The following KIAA1217 variants were observed in gnomAD, a reference collection of about 807,000 sequenced individuals.
The protein encoded by KIAA1217 is KIAA1217, also known as sickle tail protein homolog.
A neutral mutation model predicts 163.9 loss-of-function variants in KIAA1217; 88 were observed. The observed-to-expected ratio is 0.54, with a 90% CI of 0.45 to 0.64. The LOEUF (loss-of-function observed/expected upper bound fraction) is 0.64. Among genes scored for constraint, KIAA1217 ranks in the 30% least tolerant of loss-of-function variants. The pLI, the probability that KIAA1217 is intolerant of heterozygous loss-of-function variation, is 0.00. For missense variants in KIAA1217, 2,372 were observed against 2,475.0 expected, an observed-to-expected ratio of 0.96 and a Z score of 0.88; for synonymous variants, 903 against 923.1, an observed-to-expected ratio of 0.98 and a Z score of 0.39.
At chr10:24,049,113 T>G (rs1448850634) in intron 2 of KIAA1217, among the ~76,000 whole-genome samples, 1 of 152,028 alleles carries the variant, frequency 6.6e-6, no homozygotes, top group African/African-American at 2.4e-5. Context: ...CTTACCGTAC[T>G]TTATTTTCTT....
intron 5 of KIAA1217, among the ~76,000 whole-genome samples, chr10:24,456,454 C>T (rs2061799484): frequency 6.6e-6 from 1 of 152,102 alleles, no homozygotes; most frequent in Non-Finnish European, 1.5e-5. Flanking sequence ...TGATGGAACT[C>T]ATTAGGTATT....
intron 1 of KIAA1217, among the ~76,000 whole-genome samples, chr10:23,772,257 CA>C (rs1204004153): frequency 6.6e-6 from 1 of 152,106 alleles, no homozygotes; most frequent in African/African-American, 2.4e-5. Context: ...TTGGTTAGTA[CA>C]ACATGAATTA....
At chr10:24,085,972 C>CAAA (rs111641140) in intron 2 of KIAA1217, among the ~76,000 whole-genome samples, 1 of 144,980 alleles carries the variant, frequency 6.9e-6, no homozygotes, top group Admixed American at 6.9e-5. Flanking sequence ...GACCCTGTCT[C>CAAA]AAAAAAAAAA....
At chr10:24,203,903 G>A (rs1269233770), upstream of KIAA1217, among the ~76,000 whole-genome samples, 3 of 152,230 alleles carry the variant, frequency 2.0e-5, no homozygotes, top group African/African-American at 7.2e-5. Context: ...GCAGAGCTGA[G>A]CGGGGCTTTC....
At chr10:23,739,978 T>C (rs1248647850) in intron 1 of KIAA1217, among the ~76,000 whole-genome samples, 1 of 152,140 alleles carries the variant, frequency 6.6e-6, no homozygotes, top group African/African-American at 2.4e-5. Context: ...AAAATTGAGT[T>C]GCCACCTTCT....
chr10:24,314,282 C>G (rs910817876), intron 2 of KIAA1217, among the ~76,000 whole-genome samples: 2 of 152,154 alleles, frequency 1.3e-5, no homozygotes, highest in South Asian at 2.1e-4. Context: ...AGTACCAGCC[C>G]TGTTAGTCCA....
intron 1 of KIAA1217, among the ~76,000 whole-genome samples, chr10:23,988,463 T>C (rs773727478): frequency 1.3e-5 from 2 of 152,242 alleles, no homozygotes; most frequent in Non-Finnish European, 2.9e-5. Context: ...TCTTTAATCA[T>C]TGAATTCTAT....
chr10:24,199,533 G>A (rs555562369), intron 2 of KIAA1217, among the ~76,000 whole-genome samples: 8 of 152,290 alleles, frequency 5.3e-5, no homozygotes, highest in African/African-American at 1.7e-4. Context: ...AAGAGAAATT[G>A]TTGAAGTTTG....
chr10:23,865,812 C>A (rs1840152701), intron 1 of KIAA1217, among the ~76,000 whole-genome samples: 1 of 152,000 alleles, frequency 6.6e-6, no homozygotes, highest in African/African-American at 2.4e-5. Context: ...TAAATTTTAA[C>A]AATGGGAGAA....
chr10:24,103,939 T>C (rs1355472117), intron 2 of KIAA1217, among the ~76,000 whole-genome samples: 1 of 152,200 alleles, frequency 6.6e-6, no homozygotes, highest in Admixed American at 6.5e-5. Context: ...ATTCAACTGA[T>C]CTTTGAGGAA....
At chr10:23,957,704 A>G (rs1027112820) in intron 1 of KIAA1217, among the ~76,000 whole-genome samples, 4 of 152,162 alleles carry the variant, frequency 2.6e-5, no homozygotes, top group African/African-American at 9.7e-5. Context: ...TCTGGGTAAC[A>G]TACTGAGACT....
intron 1 of KIAA1217, among the ~76,000 whole-genome samples, chr10:23,702,867 A>G (rs1836563994): frequency 6.6e-6 from 1 of 152,188 alleles, no homozygotes; most frequent in African/African-American, 2.4e-5. Context: ...AGCTGGGACT[A>G]CAGGTGCATG....
At chr10:24,431,520 C>T (rs1387841463) in intron 3 of KIAA1217, among the ~76,000 whole-genome samples, 1 of 152,140 alleles carries the variant, frequency 6.6e-6, no homozygotes, top group African/African-American at 2.4e-5. Flanking sequence ...CAAGACGGCT[C>T]ATCCACATAA....
chr10:24,048,842 C>T (rs983530034), intron 2 of KIAA1217, among the ~76,000 whole-genome samples: 2 of 151,670 alleles, frequency 1.3e-5, no homozygotes, highest in African/African-American at 4.8e-5. Context: ...ACCAGCCTGA[C>T]CAACATGGTG....
chr10:23,967,718 T>C (rs1008344778), intron 1 of KIAA1217, among the ~76,000 whole-genome samples: 4 of 152,174 alleles, frequency 2.6e-5, no homozygotes, highest in African/African-American at 9.7e-5. Flanking sequence ...TTTTTTAATG[T>C]TTTTCATTAA....
chr10:24,173,238 A>T (rs2065716065), intron 2 of KIAA1217, among the ~76,000 whole-genome samples: 1 of 152,184 alleles, frequency 6.6e-6, no homozygotes, highest in Non-Finnish European at 1.5e-5. Flanking sequence ...CTAATGCCTG[A>T]TGATCTGTCA....
chr10:24,423,587 G>A (rs2058934343), intron 3 of KIAA1217, among the ~76,000 whole-genome samples: 1 of 152,196 alleles, frequency 6.6e-6, no homozygotes, highest in South Asian at 2.1e-4. Context: ...AGCCTCCCAA[G>A]TAGCTGGGAC....
chr10:24,438,034 A>C (rs2060206392), intron 4 of KIAA1217, among the ~76,000 whole-genome samples: 1 of 151,736 alleles, frequency 6.6e-6, no homozygotes, highest in Admixed American at 6.6e-5. Flanking sequence ...ATCTCTTTGA[A>C]TGTATTGTAA....
At chr10:24,360,891 C>T (rs1301671374) in intron 2 of KIAA1217, among the ~76,000 whole-genome samples, 3 of 121,852 alleles carry the variant, frequency 2.5e-5, no homozygotes, top group African/African-American at 1.1e-4. Context: ...TATTTCAATG[C>T]TAAGTGGTTT....
Sources: allele counts gnomAD v4.1 joint callset (sites outside exome capture counted in the v4.1 genomes callset), GRCh38; gene constraint gnomAD v4.1.1; transcripts MANE v1.5; gene names NCBI Gene and HGNC (gene_info 2026-07-23, HGNC 2026-07-21).